The following NTRK3 variants were observed in gnomAD, a reference collection of about 807,000 sequenced individuals.
The protein encoded by NTRK3 is neurotrophic receptor tyrosine kinase 3.
NTRK3 carries 24 observed loss-of-function variants against 91.7 expected under a neutral mutation model. The observed-to-expected ratio is 0.26, with a 90% CI of 0.19 to 0.37. NTRK3 has a LOEUF of 0.37. Among genes scored for constraint, NTRK3 ranks in the 10% least tolerant of loss-of-function variants. The pLI is 1.00. For synonymous variants in NTRK3, 483 were observed against 404.0 expected (o/e 1.20, Z -2.34); for missense variants, 880 against 1,068.9 (o/e 0.82, Z 2.46).
chr15:88,038,274 G>A (rs942772062), intron 13 of NTRK3, among the ~76,000 whole-genome samples: 3 of 152,178 alleles, frequency 2.0e-5, no homozygotes, highest in Non-Finnish European at 4.4e-5. Context: ...CAGCGGAAAA[G>A]AGCATCGCAC....
exon 19 of NTRK3, chr15:87,876,739 T>A (rs2141432568): frequency 7.4e-5 from 29 of 393,608 alleles, no homozygotes; most frequent in Non-Finnish European, 9.5e-5. Context: ...ATATATATAT[T>A]TGCCAAACTG....
At chr15:87,961,810 T>C (rs2072323452) in intron 14 of NTRK3, among the ~76,000 whole-genome samples, 1 of 152,268 alleles carries the variant, frequency 6.6e-6, no homozygotes, top group South Asian at 2.1e-4. Flanking sequence ...AATCCACCTA[T>C]AACTGCTTCT....
intron 13 of NTRK3, among the ~76,000 whole-genome samples, chr15:88,093,242 A>C (rs2150779068): frequency 6.6e-6 from 1 of 152,200 alleles, no homozygotes; most frequent in Admixed American, 6.5e-5. Flanking sequence ...TGGATCACAA[A>C]ATCAAACATC....
chr15:87,876,933 C>A (rs2141434433), exon 19 of NTRK3: 8 of 1,613,836 alleles, frequency 5.0e-6, no homozygotes, highest in Non-Finnish European at 6.8e-6. Flanking sequence ...CACCAGCCAC[C>A]ACTAGCCAAG....
intron 17 of NTRK3, among the ~76,000 whole-genome samples, chr15:87,900,969 G>T (rs1021630704): frequency 6.6e-6 from 1 of 152,156 alleles, no homozygotes; most frequent in Non-Finnish European, 1.5e-5. Context: ...CTGTGAGAAG[G>T]TTAGAGCTCT....
intron 3 of NTRK3, among the ~76,000 whole-genome samples, chr15:88,224,549 TC>T (rs2050517174): frequency 6.6e-6 from 1 of 152,244 alleles, no homozygotes; most frequent in Non-Finnish European, 1.5e-5. Flanking sequence ...AATTTGAATT[TC>T]AGATAAGCAT....
rs117620277 is a variant in NTRK3, at chr15:88,057,588, G to T, written c.1397-24543C>A. 2.6e-4 allele frequency among the ~76,000 whole-genome samples: 40 copies of T among 152,322 alleles called. No individual in the cohort carries two copies. The East Asian group carries it at 7.7e-3, about 29-fold the overall frequency. On this transcript the variant is annotated intron_variant, in intron 13 of 18. Coordinates refer to ENST00000394480, the Ensembl canonical transcript of NTRK3. ...ATTCCAGAAGGTGGAGCAACGGGAA[G>T]CTCCTGGTGACCTTCAAGGAGAGCA... is the stretch of plus-strand genomic sequence containing the variant.
intron 13 of NTRK3, among the ~76,000 whole-genome samples, chr15:88,112,605 G>T (rs1011101720): frequency 6.6e-6 from 1 of 152,196 alleles, no homozygotes; most frequent in African/African-American, 2.4e-5. Flanking sequence ...GCTTTAAGCA[G>T]GGTGAATGTT....
At chr15:88,184,167 C>A in intron 4 of NTRK3, 58 bp downstream of exon 4, 1 of 1,551,130 alleles carries the variant, frequency 6.4e-7, no homozygotes, top group Non-Finnish European at 8.9e-7. Flanking sequence ...AGAAGGCAGA[C>A]CAGGTGGCAT....
intron 14 of NTRK3, among the ~76,000 whole-genome samples, chr15:87,982,371 T>TG (rs150068831): frequency 0.03 from 4,531 of 152,066 alleles, 243 homozygotes; most frequent in African/African-American, 0.1. Context: ...AAGGGGTAAA[T>TG]GGTGAAGAAA....
At chr15:87,970,879 C>T (rs2073200849) in intron 14 of NTRK3, among the ~76,000 whole-genome samples, 1 of 152,160 alleles carries the variant, frequency 6.6e-6, no homozygotes, top group African/African-American at 2.4e-5. Context: ...GGCCCTGAAG[C>T]TCTGCCCAGA....
At chr15:88,022,298 A>T (rs1351858439) in intron 14 of NTRK3, among the ~76,000 whole-genome samples, 2 of 152,172 alleles carry the variant, frequency 1.3e-5, no homozygotes, top group Non-Finnish European at 2.9e-5. Context: ...AGTTCAAGAC[A>T]GGAGAAGCAC....
At chr15:88,023,642 T>C (rs2077774764) in intron 14 of NTRK3, among the ~76,000 whole-genome samples, 1 of 151,960 alleles carries the variant, frequency 6.6e-6, no homozygotes, top group Non-Finnish European at 1.5e-5. Flanking sequence ...CCCACCTTGG[T>C]CCTATTTCTC....
chr15:88,240,653 C>T lies in NTRK3; in HGVS notation c.248+15253G>A, dbSNP rs1297280242. On this transcript the variant is annotated intron_variant, in intron 3 of 18. Transcript: ENST00000394480. The surrounding 1 kb of genome is among the most constrained non-coding windows in gnomAD (Gnocchi z 4.9). ...CACTTCCTAGCAGAACCACCTAGGG[C>T]AAGCTACTTAGCCACCCTGTGCCTC... Among the ~76,000 whole-genome samples, 1 of 152,226 alleles carries T rather than the reference C, an allele frequency of 6.6e-6. No homozygotes were observed. The highest frequency in any genetic ancestry group is 6.5e-5 in the Admixed American group (1 of 15,290).
intron 13 of NTRK3, among the ~76,000 whole-genome samples, chr15:88,066,726 G>A (rs1185517273): frequency 6.6e-6 from 1 of 152,082 alleles, no homozygotes; most frequent in Non-Finnish European, 1.5e-5. Context: ...AATCACAGTA[G>A]AGCCATGATC....
chr15:87,997,156 T>C (rs1210979507), intron 14 of NTRK3, among the ~76,000 whole-genome samples: 1 of 152,198 alleles, frequency 6.6e-6, no homozygotes, highest in Non-Finnish European at 1.5e-5. Flanking sequence ...CCCACCTGCA[T>C]AATGGGGATA....
At chr15:88,180,567 T>G (rs2046365071) in intron 5 of NTRK3, among the ~76,000 whole-genome samples, 1 of 151,596 alleles carries the variant, frequency 6.6e-6, no homozygotes, top group African/African-American at 2.4e-5. Flanking sequence ...GGGAGACAGT[T>G]CAACCAATCA....
intron 13 of NTRK3, among the ~76,000 whole-genome samples, chr15:88,086,518 T>TTTTTTTTTTTTTTTGAG (rs1567368944): frequency 6.9e-6 from 1 of 144,496 alleles, no homozygotes; most frequent in African/African-American, 2.9e-5. Context: ...TTTTATTTTT[T>TTTTTTTTTTTTTTTGAG]AAAAACATGG....
At chr15:88,223,289 G>A (rs77658154) in intron 3 of NTRK3, among the ~76,000 whole-genome samples, 2,046 of 152,358 alleles carry the variant, frequency 0.013, 21 homozygotes, top group East Asian at 0.021. Flanking sequence ...AGTGGCCTGT[G>A]TCACCAGGCG....
Sources: gnomAD v4.1 joint callset for allele counts (sites outside exome capture counted in the v4.1 genomes callset) on GRCh38, gnomAD v4.1.1 for gene constraint, Gnocchi (gnomAD v3.1) non-coding constraint, MANE v1.5 for transcripts, NCBI Gene and HGNC (gene_info 2026-07-23, HGNC 2026-07-21) for gene names.